The following NPIPA6 variants were observed in gnomAD, a reference collection of about 807,000 sequenced individuals.
The protein encoded by NPIPA6 is nuclear pore complex-interacting protein family member A6.
chr16:16,337,316 C>T, the NPIPA6 span: 4 of 102,030 alleles, frequency 3.9e-5, no homozygotes, highest in African/African-American at 1.3e-4. Flanking sequence ...CCTCCGCTTC[C>T]GGGGTTCAAG....
the NPIPA6 span, among the ~76,000 whole-genome samples, chr16:16,343,732 TG>T: frequency 2.5e-5 from 2 of 80,968 alleles, no homozygotes; most frequent in Non-Finnish European, 2.4e-5. Flanking sequence ...TGTGTGTGTG[TG>T]TGTGTGTGAC....
chr16:16,333,810 CAA>C, the NPIPA6 span: 3 of 536,006 alleles, frequency 5.6e-6, 1 homozygote, highest in East Asian at 3.0e-5. Flanking sequence ...AGCTTGGACT[CAA>C]GACCCTGTGC....
the NPIPA6 span, among the ~76,000 whole-genome samples, chr16:16,342,968 GTAAT>G: frequency 8.2e-3 from 482 of 58,522 alleles, no homozygotes; most frequent in East Asian, 0.032. Context: ...AGAGCTGAAG[GTAAT>G]TAATTACTTC....
the NPIPA6 span, among the ~76,000 whole-genome samples, chr16:16,343,121 TCTCA>T: frequency 1.5e-5 from 2 of 135,512 alleles, no homozygotes; most frequent in East Asian, 2.4e-4. Context: ...TGAGACGGAG[TCTCA>T]CTCTGTCACC....
chr16:16,334,277 GAGAC>G, the NPIPA6 span: 1 of 235,140 alleles, frequency 4.3e-6, no homozygotes, highest in South Asian at 3.0e-5. Context: ...TTTTTTTTTT[GAGAC>G]AGAGTCTCAT....
At chr16:16,339,485 TGTC>T in the NPIPA6 span, among the ~76,000 whole-genome samples, 1 of 56,154 alleles carries the variant, frequency 1.8e-5, no homozygotes, top group African/African-American at 4.0e-5. Flanking sequence ...CTGAGTGCAC[TGTC>T]AGGCACCTGT....
chr16:16,344,029 T>C, the NPIPA6 span: 58 of 42,040 alleles, frequency 1.4e-3, no homozygotes, highest in African/African-American at 0.013. Context: ...GTCATTCTTA[T>C]ATTATTATTT....
At chr16:16,343,624 G>A in the NPIPA6 span, among the ~76,000 whole-genome samples, 2 of 118,688 alleles carry the variant, frequency 1.7e-5, no homozygotes, top group Non-Finnish European at 3.4e-5. Flanking sequence ...TCAAACTCCC[G>A]ACCTCAGGTT....
chr16:16,343,259 AT>A, the NPIPA6 span, among the ~76,000 whole-genome samples: 7 of 137,246 alleles, frequency 5.1e-5, no homozygotes, highest in East Asian at 2.4e-4. Flanking sequence ...TGCTCAGCTA[AT>A]TTTTGTATTT....
chr16:16,338,383 A>G, the NPIPA6 span, among the ~76,000 whole-genome samples: 1 of 124,086 alleles, frequency 8.1e-6, no homozygotes, highest in South Asian at 2.5e-4. Flanking sequence ...CACCTTGGTA[A>G]TTTTTTTTTT....
At chr16:16,343,337 C>T in the NPIPA6 span, among the ~76,000 whole-genome samples, 27 of 104,910 alleles carry the variant, frequency 2.6e-4, no homozygotes, top group East Asian at 1.7e-3. Context: ...GTGATTCACC[C>T]GCCTCGGCCT....
chr16:16,343,710 G>A, the NPIPA6 span, among the ~76,000 whole-genome samples: 1 of 105,396 alleles, frequency 9.5e-6, no homozygotes, highest in African/African-American at 3.9e-5. Flanking sequence ...TCATTCTTGT[G>A]TGTTGTGTGT....
chr16:16,343,738 T>A, the NPIPA6 span, among the ~76,000 whole-genome samples: 54 of 79,622 alleles, frequency 6.8e-4, 2 homozygotes, highest in African/African-American at 2.6e-3. Flanking sequence ...TGTGTGTGTG[T>A]GTGACAGAGT....
chr16:16,343,713 T>TTGTGTGTGTGTGTGTG, the NPIPA6 span, among the ~76,000 whole-genome samples: 2 of 81,506 alleles, frequency 2.5e-5, no homozygotes, highest in Non-Finnish European at 4.9e-5. Context: ...TTCTTGTGTG[T>TTGTGTGTGTGTGTGTG]TGTGTGTGTG....
At chr16:16,336,448 G>A in the NPIPA6 span, among the ~76,000 whole-genome samples, 1 of 19,884 alleles carries the variant, frequency 5.0e-5, no homozygotes, top group Non-Finnish European at 9.3e-5. Context: ...TTCCACCAGC[G>A]CTTGAGAACT....
the NPIPA6 span, chr16:16,333,750 GC>G: frequency 1.5e-6 from 1 of 676,902 alleles, no homozygotes. Context: ...ACGTTCTCAG[GC>G]CTCCACGCTG....
At chr16:16,338,680 A>G in the NPIPA6 span, among the ~76,000 whole-genome samples, 3 of 67,824 alleles carry the variant, frequency 4.4e-5, no homozygotes, top group Non-Finnish European at 9.5e-5. Context: ...CACCACGCCC[A>G]GCCCACCTTG....
the NPIPA6 span, chr16:16,333,810 C>CT: frequency 7.8e-5 from 42 of 535,894 alleles, 1 homozygote; most frequent in Non-Finnish European, 1.3e-4. Context: ...AGCTTGGACT[C>CT]AAGACCCTGT....
the NPIPA6 span, among the ~76,000 whole-genome samples, chr16:16,343,740 T>A: frequency 9.2e-4 from 68 of 73,548 alleles, 2 homozygotes; most frequent in African/African-American, 3.1e-3. Flanking sequence ...TGTGTGTGTG[T>A]GACAGAGTCT....
Sources: gnomAD v4.1 joint callset for allele counts (sites outside exome capture counted in the v4.1 genomes callset) on GRCh38, gnomAD v4.1.1 for gene constraint, MANE v1.5 for transcripts, NCBI Gene and HGNC (gene_info 2026-07-23, HGNC 2026-07-21) for gene names.